Variants in SLC8A1 observed in about 807,000 individuals in gnomAD.
The protein encoded by SLC8A1 is sodium/calcium exchanger 1.
Under a neutral mutation model 68.3 loss-of-function variants are expected in SLC8A1, and 18 were observed. The ratio of observed to expected loss-of-function variants is 0.26; its 90% CI spans 0.18 to 0.39. The LOEUF (loss-of-function observed/expected upper bound fraction) is 0.39. Among genes scored for constraint, SLC8A1 ranks in the 10% least tolerant of loss-of-function variants. SLC8A1 has a pLI of 1.00. For missense variants in SLC8A1, 985 were observed against 1,156.7 expected, an observed-to-expected ratio of 0.85 and a Z score of 2.15; for synonymous variants, 475 against 415.5, an observed-to-expected ratio of 1.14 and a Z score of -1.74.
At chr2:40,357,827 G>A (rs550824338) in intron 2 of SLC8A1, among the ~76,000 whole-genome samples, 9 of 152,200 alleles carry the variant, frequency 5.9e-5, no homozygotes, top group Non-Finnish European at 8.8e-5. Flanking sequence ...TTTAAGGAGA[G>A]TACAGTTGAT....
intron 7 of SLC8A1, among the ~76,000 whole-genome samples, chr2:40,121,338 C>A (rs1177244662): frequency 2.0e-5 from 3 of 152,130 alleles, no homozygotes; most frequent in African/African-American, 7.2e-5. Context: ...TGGGGGCCTT[C>A]CTGCGAGTAA....
At chr2:40,310,760 C>T (rs1419070232) in intron 2 of SLC8A1, among the ~76,000 whole-genome samples, 1 of 152,046 alleles carries the variant, frequency 6.6e-6, no homozygotes, top group African/African-American at 2.4e-5. Context: ...ATACATTTTC[C>T]ACAATAGCTC....
intron 2 of SLC8A1, among the ~76,000 whole-genome samples, chr2:40,305,970 T>C (rs77053237): frequency 0.013 from 1,908 of 152,344 alleles, 32 homozygotes; most frequent in African/African-American, 0.043. Flanking sequence ...ATGGTGCATT[T>C]TGTTGCTTGG....
At chr2:40,452,151 G>A (rs1180363757), upstream of SLC8A1, 1 of 142 alleles carries the variant, frequency 7.0e-3, no homozygotes, top group Non-Finnish European at 0.031. Context: ...TGGGAGGGCC[G>A]GGGCCCGGGC....
chr2:40,381,139 T>G (rs1681636379), intron 2 of SLC8A1, among the ~76,000 whole-genome samples: 1 of 151,974 alleles, frequency 6.6e-6, no homozygotes, highest in Non-Finnish European at 1.5e-5. Flanking sequence ...AACAACAACC[T>G]CAGCTGGTTG....
chr2:40,332,537 T>C (rs2076527592), intron 2 of SLC8A1, among the ~76,000 whole-genome samples: 1 of 152,158 alleles, frequency 6.6e-6, no homozygotes, highest in Non-Finnish European at 1.5e-5. Context: ...TCTGACCTTG[T>C]GCTCTAGTAC....
At chr2:40,322,428 T>G (rs536698877) in intron 2 of SLC8A1, among the ~76,000 whole-genome samples, 308 of 146,896 alleles carry the variant, frequency 2.1e-3, no homozygotes, top group African/African-American at 7.5e-3. Flanking sequence ...GAGGCCATGG[T>G]AGGAGGATTG....
At chr2:40,435,588 C>G (rs1205803832) in intron 1 of SLC8A1, among the ~76,000 whole-genome samples, 1 of 152,006 alleles carries the variant, frequency 6.6e-6, no homozygotes, top group African/African-American at 2.4e-5. Flanking sequence ...GAAGTCAGGC[C>G]CCTGCCTTAT....
chr2:40,321,015 G>A (rs1169017200), intron 2 of SLC8A1, among the ~76,000 whole-genome samples: 1 of 152,096 alleles, frequency 6.6e-6, no homozygotes, highest in Non-Finnish European at 1.5e-5. Context: ...GCAAGCCACA[G>A]GGAAGAGGCT....
intron 1 of SLC8A1, among the ~76,000 whole-genome samples, chr2:40,479,031 C>G (rs1704470442): frequency 1.3e-5 from 2 of 152,198 alleles, no homozygotes; most frequent in African/African-American, 4.8e-5. Flanking sequence ...CTCGACCTCC[C>G]AAAGTGCTGG....
intron 2 of SLC8A1, among the ~76,000 whole-genome samples, chr2:40,281,681 G>C (rs560716263): frequency 1.3e-5 from 2 of 152,340 alleles, no homozygotes; most frequent in East Asian, 3.9e-4. Flanking sequence ...TAAGTCTGTG[G>C]AGCTGGGAAT....
At chr2:40,281,148 G>A (rs1459215007) in intron 2 of SLC8A1, among the ~76,000 whole-genome samples, 2 of 152,068 alleles carry the variant, frequency 1.3e-5, no homozygotes, top group Non-Finnish European at 2.9e-5. Context: ...AGCACCCATG[G>A]TAGCACTTAT....
chr2:40,211,626 G>C (rs1191022627), intron 2 of SLC8A1, among the ~76,000 whole-genome samples: 1 of 152,174 alleles, frequency 6.6e-6, no homozygotes, highest in Non-Finnish European at 1.5e-5. Flanking sequence ...AGCAGACCCT[G>C]TGAAGTTATG....
intron 1 of SLC8A1, among the ~76,000 whole-genome samples, chr2:40,458,485 G>A (rs533857533): frequency 1.4e-4 from 21 of 147,100 alleles, no homozygotes; most frequent in African/African-American, 4.3e-4. Context: ...AAGGATTCCG[G>A]TGATAGGGTA....
intron 4 of SLC8A1, among the ~76,000 whole-genome samples, chr2:40,166,298 C>T (rs571569033): frequency 6.6e-6 from 1 of 152,260 alleles, no homozygotes; most frequent in African/African-American, 2.4e-5. Context: ...AGTGAATGAG[C>T]TAGAGGCAGT....
chr2:40,196,577 A>C (rs2053077780), intron 2 of SLC8A1, among the ~76,000 whole-genome samples: 1 of 152,040 alleles, frequency 6.6e-6, no homozygotes, highest in African/African-American at 2.4e-5. Flanking sequence ...TGGGGAATCT[A>C]TAGTGCTGAA....
intron 2 of SLC8A1, among the ~76,000 whole-genome samples, chr2:40,386,411 G>A (rs987179858): frequency 6.6e-6 from 1 of 150,818 alleles, no homozygotes; most frequent in African/African-American, 2.5e-5. Context: ...CAGACCTTGG[G>A]ACAAAGGTCT....
At chr2:40,111,068 T>C (rs1392611069) in exon 8 of SLC8A1, 1 of 152,154 alleles carries the variant, frequency 6.6e-6, no homozygotes, top group Non-Finnish European at 1.5e-5. Flanking sequence ...CATCAGAATT[T>C]TTGCAGGGTT....
intron 2 of SLC8A1, among the ~76,000 whole-genome samples, chr2:40,333,433 G>A (rs1374581406): frequency 3.5e-4 from 35 of 99,660 alleles, no homozygotes; most frequent in East Asian, 3.5e-3. Flanking sequence ...GCGAGACTCC[G>A]TCTCAAAAAA....
Sources: allele counts gnomAD v4.1 joint callset (sites outside exome capture counted in the v4.1 genomes callset), GRCh38; gene constraint gnomAD v4.1.1; transcripts MANE v1.5; gene names NCBI Gene and HGNC (gene_info 2026-07-23, HGNC 2026-07-21).